Variants in CHN1 observed in about 807,000 individuals in gnomAD.
CHN1 encodes chimerin 1, also known as N-chimaerin.
Under a neutral mutation model 59.5 loss-of-function variants are expected in CHN1, and 37 were observed. The observed-to-expected ratio is 0.62, with a 90% CI of 0.48 to 0.82. The LOEUF is 0.82. CHN1 is among the 40% of genes least tolerant of loss of function. The pLI is 0.00. For missense variants in CHN1, 469 were observed against 571.0 expected, an observed-to-expected ratio of 0.82 and a Z score of 1.82; for synonymous variants, 206 against 200.4, an observed-to-expected ratio of 1.03 and a Z score of -0.24.
chr2:174,939,336 A>T (rs970524850), intron 3 of CHN1, among the ~76,000 whole-genome samples: 4 of 152,182 alleles, frequency 2.6e-5, no homozygotes, highest in South Asian at 2.1e-4. Flanking sequence ...AATTTTTTTA[A>T]AACAATTTAA....
At chr2:174,904,278 A>ATAAC (rs1374273343) in intron 5 of CHN1, among the ~76,000 whole-genome samples, 1 of 152,028 alleles carries the variant, frequency 6.6e-6, no homozygotes, top group Non-Finnish European at 1.5e-5. Context: ...AAATAAATAA[A>ATAAC]TAATAAAAAA....
chr2:174,854,792 C>T (rs1574092597), intron 6 of CHN1, among the ~76,000 whole-genome samples: 1 of 152,260 alleles, frequency 6.6e-6, no homozygotes, highest in Non-Finnish European at 1.5e-5. Flanking sequence ...AAAGGACCTA[C>T]ATTTCCAAGA....
chr2:174,802,716 AC>A (rs1029556821), intron 11 of CHN1, among the ~76,000 whole-genome samples: 5 of 152,292 alleles, frequency 3.3e-5, no homozygotes, highest in Admixed American at 6.5e-5. Flanking sequence ...TCCTGCTTCT[AC>A]TCAAAGGTCA....
At chr2:174,883,064 T>G (rs1404836334) in intron 5 of CHN1, among the ~76,000 whole-genome samples, 1 of 152,236 alleles carries the variant, frequency 6.6e-6, no homozygotes, top group East Asian at 1.9e-4. Flanking sequence ...ATAAATCATT[T>G]TCAGTGAAGA....
intron 1 of CHN1, among the ~76,000 whole-genome samples, chr2:174,960,739 T>C (rs773216453): frequency 8.6e-5 from 13 of 151,962 alleles, no homozygotes; most frequent in Admixed American, 5.2e-4. Context: ...GGAGAATCGT[T>C]TGAACCCAGG....
chr2:174,841,929 T>C (rs1243410374), intron 7 of CHN1, among the ~76,000 whole-genome samples: 1 of 152,230 alleles, frequency 6.6e-6, no homozygotes, highest in Non-Finnish European at 1.5e-5. Context: ...ATTTAAAATA[T>C]GTACACAGAT....
intron 7 of CHN1, among the ~76,000 whole-genome samples, chr2:174,836,524 T>C (rs1017187650): frequency 2.6e-5 from 4 of 152,242 alleles, no homozygotes; most frequent in African/African-American, 9.6e-5. Context: ...TTGTCATCCA[T>C]GTTTCATGAG....
chr2:174,924,573 A>T (rs1032148752), intron 3 of CHN1, among the ~76,000 whole-genome samples: 3 of 152,316 alleles, frequency 2.0e-5, no homozygotes, highest in African/African-American at 7.2e-5. Flanking sequence ...TAGGGTAGAG[A>T]AGTTTTTCTT....
chr2:174,802,846 T>C (rs917534860), intron 11 of CHN1, among the ~76,000 whole-genome samples: 3 of 152,136 alleles, frequency 2.0e-5, no homozygotes, highest in African/African-American at 7.2e-5. Context: ...GAGACCAGCC[T>C]GGCCAACATG....
intron 6 of CHN1, among the ~76,000 whole-genome samples, chr2:174,854,420 A>T (rs1432946370): frequency 6.6e-6 from 1 of 152,204 alleles, no homozygotes; most frequent in Non-Finnish European, 1.5e-5. Flanking sequence ...TGTTTTTCAA[A>T]TAAATTCCCA....
intron 5 of CHN1, among the ~76,000 whole-genome samples, chr2:174,884,194 ATCTCCTGACCTCGT>A (rs1296528048): frequency 1.3e-5 from 2 of 152,030 alleles, no homozygotes; most frequent in South Asian, 2.1e-4. Flanking sequence ...GATGGTCTCG[ATCTCCTGACCTCGT>A]GATCCACCCA....
intron 8 of CHN1, 39 bp from the exon 9 acceptor site, chr2:174,812,521 T>A: frequency 6.2e-7 from 1 of 1,606,464 alleles, no homozygotes; most frequent in Non-Finnish European, 8.5e-7. Context: ...TCAATATTAT[T>A]TTCAGAGTTT....
intron 3 of CHN1, among the ~76,000 whole-genome samples, chr2:174,920,019 T>C (rs1461973825): frequency 1.3e-5 from 2 of 152,194 alleles, no homozygotes; most frequent in African/African-American, 2.4e-5. Flanking sequence ...CATGTTTAGA[T>C]TCCACAAGTG....
chr2:174,998,059 T>C (rs962067308), intron 1 of CHN1, among the ~76,000 whole-genome samples: 4 of 146,684 alleles, frequency 2.7e-5, no homozygotes, highest in African/African-American at 5.1e-5. Flanking sequence ...TCCCAGCACT[T>C]TGGGGGGCCG....
At chr2:174,888,891 G>GGT (rs1300587109) in intron 5 of CHN1, among the ~76,000 whole-genome samples, 1 of 152,214 alleles carries the variant, frequency 6.6e-6, no homozygotes, top group Non-Finnish European at 1.5e-5. Flanking sequence ...GAGGTCTTAT[G>GGT]GTGCCACAGA....
intron 5 of CHN1, among the ~76,000 whole-genome samples, chr2:174,889,870 AATAAAT>A (rs1687995511): frequency 1.3e-5 from 2 of 150,870 alleles, no homozygotes; most frequent in Admixed American, 6.6e-5. Flanking sequence ...TTCTAACCAG[AATAAAT>A]AAATATGTGT....
intron 5 of CHN1, among the ~76,000 whole-genome samples, chr2:174,883,410 C>G (rs1352003305): frequency 6.6e-6 from 1 of 152,074 alleles, no homozygotes; most frequent in Non-Finnish European, 1.5e-5. Flanking sequence ...TTCTCTTCAC[C>G]ATGAGGCTAT....
At chr2:174,830,050 G>A (rs765113027) in intron 7 of CHN1, among the ~76,000 whole-genome samples, 113 of 151,970 alleles carry the variant, frequency 7.4e-4, no homozygotes, top group Non-Finnish European at 1.4e-3. Flanking sequence ...GGCTAACAAC[G>A]GTGAAACCCC....
intron 3 of CHN1, among the ~76,000 whole-genome samples, chr2:174,918,899 A>G (rs1365788963): frequency 6.6e-6 from 1 of 152,136 alleles, no homozygotes; most frequent in East Asian, 1.9e-4. Context: ...TGACACACTC[A>G]ATTGCAGCTT....
Sources: allele counts gnomAD v4.1 joint callset (sites outside exome capture counted in the v4.1 genomes callset), GRCh38; gene constraint gnomAD v4.1.1; transcripts MANE v1.5; gene names NCBI Gene and HGNC (gene_info 2026-07-23, HGNC 2026-07-21).